GAB1: variants seen among roughly 807,000 people sequenced by gnomAD.
The protein encoded by GAB1 is GRB2 associated binding protein 1, also known as GRB2-associated-binding protein 1.
In GAB1, 19 loss-of-function variants were observed where a neutral mutation model predicts 66.5. That is an observed-to-expected ratio of 0.29 (90% CI 0.20 to 0.42). The LOEUF is 0.42. GAB1 is among the 10% of genes least tolerant of loss of function. The pLI is 1.00. For missense variants in GAB1, 732 were observed against 858.5 expected (o/e 0.85, Z 1.84); for synonymous variants, 294 against 301.4 (o/e 0.98, Z 0.25).
chr4:143,384,309 A>T (rs1481214257), intron 1 of GAB1, among the ~76,000 whole-genome samples: 1 of 152,262 alleles, frequency 6.6e-6, no homozygotes, highest in Admixed American at 6.5e-5. Context: ...TTAGCTGTTC[A>T]TGAAGTTTTC....
chr4:143,387,026 GT>G (rs1190841421), intron 1 of GAB1, among the ~76,000 whole-genome samples: 2 of 152,180 alleles, frequency 1.3e-5, no homozygotes, highest in East Asian at 3.8e-4. Context: ...GATAAGAAGG[GT>G]GAATCACTGC....
rs1276358606 is a variant in GAB1 at position 143,448,046 on chromosome 4, C to A, written c.1585+7664C>A. On this transcript the variant is annotated intron_variant, in intron 6 of 9. Transcript: ENST00000262994. ...CCTTTTCTGCATCTATTGAGATAATCATGTAGTTTTTGTCTTTGGTTCTGT... is the reference window on the plus strand; with the variant it reads ...CCTTTTCTGCATCTATTGAGATAATAATGTAGTTTTTGTCTTTGGTTCTGT... 3.3e-5 allele frequency among the ~76,000 whole-genome samples: 5 copies of A among 152,030 alleles called. 1 individual carries two copies. The highest frequency in any genetic ancestry group is 1.2e-4 in the African/African-American group (5 of 41,330).
At chr4:143,465,256 C>T (rs1735721417) in intron 8 of GAB1, among the ~76,000 whole-genome samples, 1 of 152,132 alleles carries the variant, frequency 6.6e-6, no homozygotes, top group African/African-American at 2.4e-5. Flanking sequence ...TCTTCAAGTG[C>T]CTATTTTTCA....
chr4:143,423,532 C>T (rs1733133796), intron 2 of GAB1, among the ~76,000 whole-genome samples: 1 of 151,656 alleles, frequency 6.6e-6, no homozygotes, highest in African/African-American at 2.4e-5. Flanking sequence ...CCCATCTCTA[C>T]TAAAAATACA....
intron 1 of GAB1, among the ~76,000 whole-genome samples, chr4:143,346,401 C>G (rs762382041): frequency 6.6e-6 from 1 of 152,192 alleles, no homozygotes; most frequent in Non-Finnish European, 1.5e-5. Flanking sequence ...AAAGAATTAC[C>G]TGCCTGTGTG....
intron 1 of GAB1, among the ~76,000 whole-genome samples, chr4:143,359,923 G>A (rs1036644231): frequency 2.0e-5 from 3 of 152,166 alleles, no homozygotes; most frequent in African/African-American, 7.2e-5. Flanking sequence ...ATCTCAATTT[G>A]ACAGCAACCT....
intron 1 of GAB1, among the ~76,000 whole-genome samples, chr4:143,350,367 A>T (rs1057025772): frequency 6.6e-6 from 1 of 152,096 alleles, no homozygotes; most frequent in Non-Finnish European, 1.5e-5. Flanking sequence ...GGCTTAGCTC[A>T]CTAAAACACT....
Position 143,438,595 on chromosome 4 carries a change from G to A in GAB1, c.1190G>A (p.Arg397Gln), listed in dbSNP as rs1336576416. ...TCCACTGTGGATTTAAACAAATTGC[G>A]AAAAGGTCAGCTCTAGTTGACTTCT... ...TISTVDLNKL[R>Q]KDASSQDCYD... Residue 397 changes from arginine (R) to glutamine (Q), a missense_variant, in exon 4 of 10, where the codon CGA becomes CAA. By Grantham distance (43) the Arg-to-Gln change is conservative. Transcript: ENST00000262994. 15 of 1,612,004 alleles carry A rather than the reference G, an allele frequency of 9.3e-6. No individual in the cohort carries two copies. Among genetic ancestry groups the A allele is most frequent in the Admixed American group, 1.7e-5 (1 of 59,834 alleles).
At chr4:143,406,441 G>C (rs536710427) in intron 1 of GAB1, among the ~76,000 whole-genome samples, 12 of 152,312 alleles carry the variant, frequency 7.9e-5, no homozygotes, top group African/African-American at 2.9e-4. Flanking sequence ...CAAGTTCTTA[G>C]GGAGATGAGC....
chr4:143,347,535 A>G (rs1729029263), intron 1 of GAB1, among the ~76,000 whole-genome samples: 1 of 152,240 alleles, frequency 6.6e-6, no homozygotes, highest in African/African-American at 2.4e-5. Flanking sequence ...GTTGGGGTCC[A>G]TCTCTCCCCT....
At chr4:143,437,920 C>A in intron 3 of GAB1, 79 bp from the exon 4 acceptor site, 1 of 1,350,904 alleles carries the variant, frequency 7.4e-7, no homozygotes, top group Non-Finnish European at 1.0e-6. Flanking sequence ...CTTTTGATTG[C>A]TTAGCGATAA....
At chr4:143,463,104 A>G (rs954453103) in intron 8 of GAB1, among the ~76,000 whole-genome samples, 1 of 152,214 alleles carries the variant, frequency 6.6e-6, no homozygotes, top group East Asian at 1.9e-4. Context: ...ACAAGGACTC[A>G]TCATAGTCCA....
At chr4:143,460,256 A>C (rs1034918744) in intron 7 of GAB1, 108 bp from the exon 8 acceptor site, 53 of 1,023,312 alleles carry the variant, frequency 5.2e-5, no homozygotes, top group Non-Finnish European at 7.7e-5. Context: ...TTATAAACAT[A>C]AGGGAATATT....
chr4:143,414,220 T>C (rs535297400), intron 1 of GAB1, among the ~76,000 whole-genome samples: 5 of 152,250 alleles, frequency 3.3e-5, no homozygotes, highest in Admixed American at 3.3e-4. Flanking sequence ...ATAGGCCTCT[T>C]TTCTGTCTAG....
intron 1 of GAB1, among the ~76,000 whole-genome samples, chr4:143,406,731 C>T (rs1045238458): frequency 1.3e-5 from 2 of 152,250 alleles, no homozygotes; most frequent in Non-Finnish European, 2.9e-5. Flanking sequence ...CCCAGGGCAC[C>T]ATCCGACTCA....
At chr4:143,415,449 T>G in intron 1 of GAB1, 28 bp from the exon 2 acceptor site, 1 of 1,543,370 alleles carries the variant, frequency 6.5e-7, no homozygotes, top group South Asian at 1.2e-5. Flanking sequence ...AAGTTAATAC[T>G]GAATGGATAT....
intron 2 of GAB1, among the ~76,000 whole-genome samples, chr4:143,419,026 A>G (rs564242662): frequency 1.3e-5 from 2 of 152,254 alleles, no homozygotes; most frequent in South Asian, 4.1e-4. Context: ...CTGACACTCT[A>G]CTAGGCTGTG....
chr4:143,464,819 A>C (rs1237966061), intron 8 of GAB1, among the ~76,000 whole-genome samples: 1 of 152,188 alleles, frequency 6.6e-6, no homozygotes, highest in Non-Finnish European at 1.5e-5. Flanking sequence ...TAGTCTCAAT[A>C]TTTTCCTAGA....
At chr4:143,411,163 G>C (rs899485746) in intron 1 of GAB1, among the ~76,000 whole-genome samples, 5 of 152,146 alleles carry the variant, frequency 3.3e-5, no homozygotes, top group African/African-American at 7.2e-5. Context: ...GGCGGGAGTT[G>C]ATTGGAGGGT....
Sources: allele counts gnomAD v4.1 joint callset (sites outside exome capture counted in the v4.1 genomes callset), GRCh38; gene constraint gnomAD v4.1.1; transcripts MANE v1.5; gene names NCBI Gene and HGNC (gene_info 2026-07-23, HGNC 2026-07-21).